KAZN: variants seen among roughly 807,000 people sequenced by gnomAD.
The protein encoded by KAZN is kazrin, periplakin interacting protein, also known as kazrin.
A neutral mutation model predicts 87.4 loss-of-function variants in KAZN; 40 were observed. That is an observed-to-expected ratio of 0.46 (90% CI 0.36 to 0.60). The LOEUF (loss-of-function observed/expected upper bound fraction) is 0.60, where lower values mean the gene tolerates loss of function less well. Among genes scored for constraint, KAZN ranks in the 20% least tolerant of loss-of-function variants. The pLI is 0.00. For synonymous variants in KAZN, 466 were observed against 458.3 expected, an observed-to-expected ratio of 1.02 and a Z score of -0.22; for missense variants, 898 against 1,073.9, an observed-to-expected ratio of 0.84 and a Z score of 2.29.
At position 14,741,442 on chromosome 1, in the gene KAZN, A is replaced by C. The variant is rs141000093; in HGVS notation, c.226+142219A>C. Among the ~76,000 whole-genome samples, 103 of 152,314 alleles carry C rather than the reference A, an allele frequency of 6.8e-4. 1 individual carries two copies. Among genetic ancestry groups the C allele is most frequent in the African/African-American group, 2.4e-3 (101 of 41,560 alleles). The stretch of plus-strand genomic sequence containing the variant: ...TTTTTTCTTGGGTTTGTTGGCTTTT[A>C]GAGTTCTAACAGTTCCAGCCTCTTC... On this transcript the variant is annotated intron_variant, in intron 1 of 14. Coordinates refer to ENST00000376030, the MANE Select transcript of KAZN (RefSeq NM_201628.3).
chr1:14,500,549 A>G (rs1670181844), intron 2 of KAZN, among the ~76,000 whole-genome samples: 1 of 151,980 alleles, frequency 6.6e-6, no homozygotes, highest in Admixed American at 6.6e-5. Context: ...TTAGAAAACC[A>G]AGAGCAAACT....
At chr1:14,863,242 G>C (rs545766279) in intron 1 of KAZN, among the ~76,000 whole-genome samples, 2 of 152,290 alleles carry the variant, frequency 1.3e-5, no homozygotes, top group East Asian at 3.9e-4. Context: ...GGCATCCCCC[G>C]GGAATGTACA....
At chr1:14,811,693 CA>C (rs1238734473) in intron 1 of KAZN, among the ~76,000 whole-genome samples, 2 of 152,170 alleles carry the variant, frequency 1.3e-5, no homozygotes, top group East Asian at 3.9e-4. Flanking sequence ...GTCTCTGAAA[CA>C]AGAATGCATC....
chr1:14,524,282 G>A (rs537202647), intron 2 of KAZN, among the ~76,000 whole-genome samples: 152 of 152,102 alleles, frequency 1.0e-3, no homozygotes, highest in Non-Finnish European at 1.5e-3. Flanking sequence ...TCAGCCTCCC[G>A]AAGTGCTGAG....
chr1:14,356,035 C>A (rs1212361763), intron 2 of KAZN, among the ~76,000 whole-genome samples: 1 of 152,178 alleles, frequency 6.6e-6, no homozygotes, highest in Non-Finnish European at 1.5e-5. Context: ...AACTAATTTA[C>A]ACTCCCACCA....
chr1:14,933,439 T>C (rs929537339), intron 1 of KAZN, among the ~76,000 whole-genome samples: 7 of 152,120 alleles, frequency 4.6e-5, no homozygotes, highest in African/African-American at 1.7e-4. Flanking sequence ...CCACCGCTGA[T>C]GGTCCTGGAA....
rs57362771 is a variant in KAZN, at chr1:14,375,940, G to A, written c.249+195348G>A. Among the ~76,000 whole-genome samples the A allele has an allele frequency of 4.0e-3, 613 of 152,242 alleles. 6 individuals are homozygous for A. The highest frequency in any genetic ancestry group is 0.014 in the African/African-American group (586 of 41,536). ...CATGTGGAGAGGAGTACTCATATGT[G>A]TACAATACCCTCAACACAAAGTCAT... On this transcript the variant is annotated intron_variant, in intron 2 of 16. Coordinates refer to the KAZN transcript ENST00000636203.
At chr1:14,711,733 G>C (rs1461441667) in intron 1 of KAZN, among the ~76,000 whole-genome samples, 3 of 152,216 alleles carry the variant, frequency 2.0e-5, no homozygotes, top group Non-Finnish European at 4.4e-5. Flanking sequence ...CCAGCCTTCA[G>C]GTCAGTGAGC....
chr1:14,042,357 A>G (rs1198677999), intron 1 of KAZN, among the ~76,000 whole-genome samples: 1 of 152,156 alleles, frequency 6.6e-6, no homozygotes, highest in Non-Finnish European at 1.5e-5. Context: ...GGAGGGCAAG[A>G]ATACTATGAG....
At chr1:13,915,607 C>A (rs950378439) in intron 1 of KAZN, among the ~76,000 whole-genome samples, 3 of 152,212 alleles carry the variant, frequency 2.0e-5, no homozygotes, top group African/African-American at 7.2e-5. Context: ...TCCACCTCAG[C>A]GCCCAGTTGC....
intron 1 of KAZN, among the ~76,000 whole-genome samples, chr1:14,890,807 G>C (rs1228834627): frequency 1.4e-5 from 2 of 145,448 alleles, no homozygotes; most frequent in African/African-American, 5.1e-5. Flanking sequence ...GGGATTACAG[G>C]TATGAGCCAC....
chr1:15,008,936 C>A (rs1298102311), intron 2 of KAZN, among the ~76,000 whole-genome samples: 1 of 152,240 alleles, frequency 6.6e-6, no homozygotes, highest in Non-Finnish European at 1.5e-5. Context: ...TTATTCCCCC[C>A]TGGACAATCA....
chr1:14,046,901 T>C (rs1301317798), intron 1 of KAZN, among the ~76,000 whole-genome samples: 1 of 152,196 alleles, frequency 6.6e-6, no homozygotes, highest in African/African-American at 2.4e-5. Flanking sequence ...TTCATCCCTA[T>C]CAGGGAGGGA....
At chr1:14,241,826 A>C (rs184111564) in intron 2 of KAZN, among the ~76,000 whole-genome samples, 1 of 152,254 alleles carries the variant, frequency 6.6e-6, no homozygotes, top group African/African-American at 2.4e-5. Context: ...GTTGATTTTC[A>C]TAATATCTGT....
intron 2 of KAZN, among the ~76,000 whole-genome samples, chr1:14,576,903 G>T (rs1479560213): frequency 6.6e-6 from 1 of 152,218 alleles, no homozygotes; most frequent in East Asian, 1.9e-4. Flanking sequence ...CCTGGTTCCT[G>T]CCTATATCCT....
chr1:14,190,617 A>T (rs567066912), intron 2 of KAZN, among the ~76,000 whole-genome samples: 1 of 152,230 alleles, frequency 6.6e-6, no homozygotes, highest in South Asian at 2.1e-4. Context: ...GTCGCTTTAG[A>T]GACTAGACAC....
intron 2 of KAZN, among the ~76,000 whole-genome samples, chr1:14,294,900 CTTTTTT>C (rs556014505): frequency 2.1e-5 from 3 of 139,718 alleles, no homozygotes; most frequent in African/African-American, 7.9e-5. Flanking sequence ...TCATTCAGAT[CTTTTTT>C]TTTTTTTTCA....
At chr1:14,986,585 G>A (rs1483530320) in intron 2 of KAZN, among the ~76,000 whole-genome samples, 2 of 152,136 alleles carry the variant, frequency 1.3e-5, no homozygotes, top group South Asian at 2.1e-4. Flanking sequence ...AGGAGTGTGT[G>A]GGCCACTGAG....
At chr1:14,558,293 A>G (rs1411688204) in intron 2 of KAZN, among the ~76,000 whole-genome samples, 3 of 152,238 alleles carry the variant, frequency 2.0e-5, no homozygotes, top group African/African-American at 7.2e-5. Flanking sequence ...AGCAAAATTT[A>G]GAAGGTAAAT....
Sources: gnomAD v4.1 joint callset for allele counts (sites outside exome capture counted in the v4.1 genomes callset) on GRCh38, gnomAD v4.1.1 for gene constraint, MANE v1.5 for transcripts, NCBI Gene and HGNC (gene_info 2026-07-23, HGNC 2026-07-21) for gene names.